Variants in TRPC4 observed in about 807,000 individuals in gnomAD.
TRPC4 encodes the protein short transient receptor potential channel 4.
A neutral mutation model predicts 99.4 loss-of-function variants in TRPC4; 49 were observed. The observed-to-expected ratio is 0.49, with a 90% confidence interval of 0.39 to 0.63. The LOEUF is 0.63. Among genes scored for constraint, TRPC4 ranks in the 20% least tolerant of loss-of-function variants. TRPC4 has a pLI of 0.00. For missense variants in TRPC4, 898 were observed against 1,152.9 expected, an observed-to-expected ratio of 0.78 and a Z score of 3.20; for synonymous variants, 454 against 425.9, an observed-to-expected ratio of 1.07 and a Z score of -0.81.
At chr13:37,832,744 A>G (rs1958457945) in intron 1 of TRPC4, among the ~76,000 whole-genome samples, 1 of 152,228 alleles carries the variant, frequency 6.6e-6, no homozygotes, top group Non-Finnish European at 1.5e-5. Context: ...TGAATAAAAA[A>G]TAAGATCAAA....
At chr13:37,782,294 A>G (rs968636474) in intron 2 of TRPC4, among the ~76,000 whole-genome samples, 3 of 152,122 alleles carry the variant, frequency 2.0e-5, no homozygotes, top group Admixed American at 6.6e-5. Flanking sequence ...TTGTATTTAT[A>G]ATTGTGTGCC....
At chr13:37,655,352 A>C in intron 6 of TRPC4, 69 bp from the exon 7 acceptor site, 2 of 751,142 alleles carry the variant, frequency 2.7e-6, no homozygotes, top group Non-Finnish European at 3.6e-6. Flanking sequence ...TAAAACAATA[A>C]AGCTTGGCAT....
Position 37,750,471 on chromosome 13 carries a change from G to T in TRPC4, c.379-4016C>A, listed in dbSNP as rs73458367. Among the ~76,000 whole-genome samples the T allele has an allele frequency of 9.2e-3, 1,402 of 152,132 alleles. 14 individuals are homozygous for T. Among genetic ancestry groups the T allele is most frequent in the African/African-American group, 0.032 (1,335 of 41,522 alleles). ...CTTTTTTATTTATTATCAAAAATGA[G>T]TGTTGAATTTTGTCTAATGCCTTTT... On this transcript the variant is annotated intron_variant, in intron 2 of 10. Coordinates refer to ENST00000379705, the MANE Select transcript of TRPC4 (RefSeq NM_016179.4).
At chr13:37,681,567 G>A (rs1005834210) in intron 4 of TRPC4, among the ~76,000 whole-genome samples, 1 of 152,068 alleles carries the variant, frequency 6.6e-6, no homozygotes, top group East Asian at 1.9e-4. Context: ...TAGCGAAATG[G>A]CCAGTTTCAT....
At chr13:37,802,873 C>T (rs1468462782) in intron 1 of TRPC4, among the ~76,000 whole-genome samples, 1 of 152,092 alleles carries the variant, frequency 6.6e-6, no homozygotes, top group East Asian at 1.9e-4. Flanking sequence ...TGCAGCATTT[C>T]TTACTGTTGT....
At chr13:37,837,069 T>C (rs1225067170) in intron 1 of TRPC4, among the ~76,000 whole-genome samples, 2 of 152,206 alleles carry the variant, frequency 1.3e-5, no homozygotes, top group Non-Finnish European at 2.9e-5. Flanking sequence ...CCACATGGTG[T>C]TGAGCTTTCC....
chr13:37,766,649 G>T (rs907845311), intron 2 of TRPC4, among the ~76,000 whole-genome samples: 4 of 151,316 alleles, frequency 2.6e-5, no homozygotes, highest in African/African-American at 9.7e-5. Context: ...CTGAATGCCT[G>T]GCTATTATGA....
In TRPC4 at chr13:37,783,107, A is replaced by T; in HGVS notation, c.227T>A (p.Ile76Asn). ...CTCCAAGTTCTCATTTTCAATTGCA[A>T]TGAGGAGAGCAGTTCTTCCGAGAGG... The part of the protein sequence containing the change: ...IDPLGRTALL[I>N]AIENENLELI... Residue 76 changes from isoleucine to asparagine, a missense_variant, in exon 2 of 11, where the codon ATT (isoleucine) becomes AAT (asparagine). Physicochemically the swap from Ile to Asn is moderately radical, Grantham distance 149. Around this residue, in one of 3 missense-constraint regions of TRPC4, gnomAD observed 278 missense variants for 346.6 expected, o/e 0.80. Transcript: ENST00000379705. The T allele has an allele frequency of 6.2e-7, 1 of 1,613,450 alleles. No homozygotes were observed. The highest frequency in any genetic ancestry group is 8.5e-7 in the Non-Finnish European group (1 of 1,179,724).
chr13:37,775,406 G>GT (rs5802899), intron 2 of TRPC4, among the ~76,000 whole-genome samples: 66,074 of 146,754 alleles, frequency 0.45, 15,091 homozygotes, highest in Middle Eastern at 0.5. Flanking sequence ...TTATTTATTT[G>GT]TTTTTTTTTA....
At chr13:37,781,007 T>A (rs1226067931) in intron 2 of TRPC4, among the ~76,000 whole-genome samples, 1 of 151,964 alleles carries the variant, frequency 6.6e-6, no homozygotes, top group Non-Finnish European at 1.5e-5. Context: ...TTATTAATAA[T>A]CAGGATCCAG....
At position 37,757,938 on chromosome 13, in the gene TRPC4, T is replaced by G. The variant is rs115732719; in HGVS notation, c.379-11483A>C. Among the ~76,000 whole-genome samples, 286 of 152,098 alleles carry G rather than the reference T, an allele frequency of 1.9e-3. 1 individual carries two copies. The highest frequency in any genetic ancestry group is 6.5e-3 in the African/African-American group (272 of 41,576). On this transcript the variant is annotated intron_variant, in intron 2 of 10. Transcript: ENST00000379705. ...GGGTAGGGTTCAAGGTTGGAAATTT[T>G]CTAAAAAATAGCACTTTATTTTACT...
intron 1 of TRPC4, among the ~76,000 whole-genome samples, chr13:37,853,252 A>G (rs1426279299): frequency 6.6e-6 from 1 of 152,206 alleles, no homozygotes. Context: ...GGGTCAGCCC[A>G]GAAAGAAAGA....
At chr13:37,681,246 C>T (rs919198502) in intron 4 of TRPC4, among the ~76,000 whole-genome samples, 1 of 152,164 alleles carries the variant, frequency 6.6e-6, no homozygotes, top group African/African-American at 2.4e-5. Context: ...TATTACAATT[C>T]CTCTGGAGAT....
At chr13:37,691,246 C>T (rs574698959) in intron 4 of TRPC4, among the ~76,000 whole-genome samples, 8 of 152,130 alleles carry the variant, frequency 5.3e-5, no homozygotes, top group South Asian at 2.1e-4. Context: ...GGACTACAGG[C>T]GCCCGCCACC....
intron 2 of TRPC4, among the ~76,000 whole-genome samples, chr13:37,765,873 GTT>G (rs981159409): frequency 6.6e-6 from 1 of 151,134 alleles, no homozygotes; most frequent in African/African-American, 2.4e-5. Context: ...TATATTTGAT[GTT>G]TTTTTAAATG....
At chr13:37,666,332 T>C (rs1023453025) in intron 5 of TRPC4, among the ~76,000 whole-genome samples, 1 of 152,014 alleles carries the variant, frequency 6.6e-6, no homozygotes, top group African/African-American at 2.4e-5. Flanking sequence ...GGCTATTAGG[T>C]CCCCCACTGG....
At chr13:37,774,943 C>T (rs1429292171) in intron 2 of TRPC4, among the ~76,000 whole-genome samples, 1 of 137,496 alleles carries the variant, frequency 7.3e-6, no homozygotes, top group East Asian at 2.2e-4. Flanking sequence ...ACTATTATTC[C>T]TAAATGATTA....
At chr13:37,725,821 T>C (rs1035801845) in intron 3 of TRPC4, among the ~76,000 whole-genome samples, 1 of 152,074 alleles carries the variant, frequency 6.6e-6, no homozygotes, top group African/African-American at 2.4e-5. Context: ...CTAAATTGAG[T>C]TCTGCAGTTT....
At chr13:37,699,648 T>G (rs554664922) in intron 3 of TRPC4, among the ~76,000 whole-genome samples, 1 of 152,326 alleles carries the variant, frequency 6.6e-6, no homozygotes, top group African/African-American at 2.4e-5. Flanking sequence ...GTTCAAAAAT[T>G]TCGTACCCAG....
Sources: allele counts gnomAD v4.1 joint callset (sites outside exome capture counted in the v4.1 genomes callset), GRCh38; gene constraint gnomAD v4.1.1; regional missense constraint gnomAD v4.1.1; transcripts MANE v1.5; gene names NCBI Gene and HGNC (gene_info 2026-07-23, HGNC 2026-07-21).